Variants in LHFPL2 observed in about 807,000 individuals in gnomAD.
LHFPL2 encodes the protein LHFPL tetraspan subfamily member 2 protein.
LHFPL2 carries 7 observed loss-of-function variants against 17.5 expected under a neutral mutation model. The observed-to-expected ratio is 0.40, with a 90% CI of 0.23 to 0.75. The LOEUF (loss-of-function observed/expected upper bound fraction) is 0.75, where lower values mean the gene tolerates loss of function less well. Ranked by LOEUF, LHFPL2 falls within the 30% of genes least tolerant of loss-of-function variation. The probability of loss-of-function intolerance (pLI) is 0.37; values close to 1 mark genes in which losing one functional copy is unlikely to be tolerated. For missense variants in LHFPL2, 241 were observed against 294.8 expected (o/e 0.82, Z 1.34); for synonymous variants, 134 against 116.2 (o/e 1.15, Z -0.99).
intron 2 of LHFPL2, among the ~76,000 whole-genome samples, chr5:78,568,924 A>G (rs991431652): frequency 1.3e-5 from 2 of 152,140 alleles, no homozygotes; most frequent in Admixed American, 1.3e-4. Context: ...AGACATCTTT[A>G]CTATCCCCAT....
Position 78,585,008 on chromosome 5 carries a change from T to G in LHFPL2, c.-244-20137A>C, listed in dbSNP as rs1416725611. Among the ~76,000 whole-genome samples, 23 of 81,328 alleles carry G rather than the reference T, an allele frequency of 2.8e-4. 6 individuals carry two copies. Among genetic ancestry groups the G allele is most frequent in the Non-Finnish European group, 4.5e-4 (15 of 33,690 alleles). 53.4% of individuals were successfully genotyped at this position (81,328 alleles called of 152,430 possible). A position where few individuals can be genotyped will look rare whatever the true frequency, so the allele number is the denominator to read the frequency against. The stretch of plus-strand genomic sequence containing the variant: ...CTGGTGCGCTGTGTTTTTTTTTTTT[T>G]TTTTTTTTTTTTTTTTGAGACGGAG... On this transcript the variant is annotated intron_variant, in intron 2 of 4. Transcript: ENST00000380345.
At position 78,636,379 on chromosome 5, in the gene LHFPL2, G is replaced by T. The variant is rs138944628; in HGVS notation, c.-349-4011C>A. Reference sequence around the variant, plus strand: ...CAACAGTAAGTGAATTCCACCTTTCGGGTAAGGAGCTACTTCTATATCCAG... The same window carrying T: ...CAACAGTAAGTGAATTCCACCTTTCTGGTAAGGAGCTACTTCTATATCCAG... On this transcript the variant is annotated intron_variant, in intron 1 of 4. Transcript: ENST00000380345. Among the ~76,000 whole-genome samples the T allele has an allele frequency of 3.0e-3, 455 of 152,252 alleles. 3 individuals are homozygous for T. Among genetic ancestry groups the T allele is most frequent in the African/African-American group, 0.011 (438 of 41,524 alleles).
intron 3 of LHFPL2, among the ~76,000 whole-genome samples, chr5:78,546,490 T>C (rs1356972252): frequency 1.3e-5 from 2 of 152,174 alleles, no homozygotes; most frequent in African/African-American, 4.8e-5. Flanking sequence ...ACAGGGATAA[T>C]AATAGAACCT....
intron 4 of LHFPL2, among the ~76,000 whole-genome samples, chr5:78,506,559 C>T (rs1040039399): frequency 6.6e-6 from 1 of 152,228 alleles, no homozygotes; most frequent in Non-Finnish European, 1.5e-5. Flanking sequence ...CGGGAGAAAG[C>T]AAGCCAGCCC....
At chr5:78,601,061 C>T (rs1246438976) in intron 2 of LHFPL2, among the ~76,000 whole-genome samples, 4 of 152,178 alleles carry the variant, frequency 2.6e-5, no homozygotes, top group African/African-American at 9.7e-5. Flanking sequence ...ATCAGAGTGA[C>T]CCTGCAGGCC....
chr5:78,489,013 C>CA lies in LHFPL2; in HGVS notation c.570_571insT (p.Gly191TrpfsTer21). ...GCACAGATGAAAGTGAGGACTGTGC[C>CA]CCCAATGGCGGTATAAAAGGCCCAG... On this transcript the variant is annotated frameshift_variant, in exon 5 of 5. Coordinates refer to ENST00000380345, the MANE Select transcript of LHFPL2 (RefSeq NM_005779.3). LOFTEE classifies it high-confidence loss of function. 1 of 1,614,182 alleles carries CA rather than the reference C, an allele frequency of 6.2e-7. No individual in the cohort carries two copies. Among genetic ancestry groups the CA allele is most frequent in the Non-Finnish European group, 8.5e-7 (1 of 1,180,040 alleles).
chr5:78,619,354 GC>G (rs1744743164), intron 2 of LHFPL2, among the ~76,000 whole-genome samples: 1 of 152,006 alleles, frequency 6.6e-6, no homozygotes, highest in African/African-American at 2.4e-5. Flanking sequence ...TAGGGCTTTG[GC>G]CCTTAGAAAT....
At chr5:78,496,666 C>A (rs1001510268) in intron 4 of LHFPL2, among the ~76,000 whole-genome samples, 3 of 152,184 alleles carry the variant, frequency 2.0e-5, no homozygotes, top group African/African-American at 7.2e-5. Flanking sequence ...GCATTCCAGG[C>A]TTTTCAGTGG....
chr5:78,633,647 T>C (rs1399814869), intron 1 of LHFPL2, among the ~76,000 whole-genome samples: 1 of 152,188 alleles, frequency 6.6e-6, no homozygotes, highest in East Asian at 1.9e-4. Context: ...TGAAGCCCAT[T>C]TCTGTTGTAA....
chr5:78,600,455 G>A (rs1386573315), intron 2 of LHFPL2, among the ~76,000 whole-genome samples: 2 of 152,108 alleles, frequency 1.3e-5, no homozygotes, highest in African/African-American at 4.8e-5. Flanking sequence ...GAGGCCATGT[G>A]CAGTGGCTCA....
intron 2 of LHFPL2, among the ~76,000 whole-genome samples, chr5:78,586,228 T>A (rs1393448056): frequency 6.6e-6 from 1 of 152,146 alleles, no homozygotes; most frequent in Non-Finnish European, 1.5e-5. Context: ...TTTTTCCTCA[T>A]CCGAAACATG....
chr5:78,585,506 C>A (rs886180190), intron 2 of LHFPL2, among the ~76,000 whole-genome samples: 1 of 152,174 alleles, frequency 6.6e-6, no homozygotes, highest in Non-Finnish European at 1.5e-5. Flanking sequence ...CGCCCACTGT[C>A]TGGCACTCCC....
At chr5:78,646,957 C>G (rs1356450055) in intron 1 of LHFPL2, among the ~76,000 whole-genome samples, 1 of 152,212 alleles carries the variant, frequency 6.6e-6, no homozygotes, top group Non-Finnish European at 1.5e-5. Context: ...CCCCATCCCC[C>G]TCTCCTACAA....
intron 4 of LHFPL2, among the ~76,000 whole-genome samples, chr5:78,497,641 C>T (rs927511734): frequency 8.5e-5 from 13 of 152,274 alleles, no homozygotes; most frequent in South Asian, 6.2e-4. Context: ...CATTTTTAAA[C>T]AAAGCCATTG....
intron 2 of LHFPL2, among the ~76,000 whole-genome samples, chr5:78,586,418 G>T (rs1743401568): frequency 6.6e-6 from 1 of 152,226 alleles, no homozygotes; most frequent in Non-Finnish European, 1.5e-5. Context: ...AGACTGGGTA[G>T]AATATAGGAA....
In LHFPL2 at chr5:78,578,019, C is replaced by T. The variant is rs189740297; in HGVS notation, c.-244-13148G>A. Among the ~76,000 whole-genome samples the T allele has an allele frequency of 2.1e-3, 313 of 152,282 alleles. 1 individual carries two copies. Among genetic ancestry groups the T allele is most frequent in the Admixed American group, 3.5e-3 (54 of 15,302 alleles). On this transcript the variant is annotated intron_variant, in intron 2 of 4. Transcript: ENST00000380345. ...TCTGTTTTTAATTCTTTGAACTCTT[C>T]TCTTTCTCTTTCCTTGTCATGCCCT...
At chr5:78,620,280 G>GT (rs1343156110) in intron 2 of LHFPL2, among the ~76,000 whole-genome samples, 5 of 151,742 alleles carry the variant, frequency 3.3e-5, no homozygotes, top group African/African-American at 1.2e-4. Flanking sequence ...TTTTTCATGT[G>GT]TTTTTTGGCT....
intron 2 of LHFPL2, among the ~76,000 whole-genome samples, chr5:78,600,343 G>T (rs1239818375): frequency 6.6e-6 from 1 of 151,392 alleles, no homozygotes; most frequent in African/African-American, 2.4e-5. Flanking sequence ...TTCAGTTTGG[G>T]GTTACAGGTG....
chr5:78,513,340 T>C (rs1380603472), intron 3 of LHFPL2, among the ~76,000 whole-genome samples: 1 of 152,192 alleles, frequency 6.6e-6, no homozygotes. Flanking sequence ...AAAAATAATA[T>C]AGTTCCCTCT....
Sources: allele counts gnomAD v4.1 joint callset (sites outside exome capture counted in the v4.1 genomes callset), GRCh38; gene constraint gnomAD v4.1.1; transcripts MANE v1.5; gene names NCBI Gene and HGNC (gene_info 2026-07-23, HGNC 2026-07-21).